The following DESI2 variants were observed in gnomAD, a reference collection of about 807,000 sequenced individuals.
DESI2 encodes desumoylating isopeptidase 2.
A neutral mutation model predicts 24.1 loss-of-function variants in DESI2; 10 were observed. The ratio of observed to expected loss-of-function variants is 0.41; its 90% confidence interval spans 0.26 to 0.70. The LOEUF is 0.70. DESI2 is among the 30% of genes least tolerant of loss of function. The probability of loss-of-function intolerance (pLI) is 0.29; values close to 1 mark genes in which losing one functional copy is unlikely to be tolerated. For missense variants in DESI2, 122 were observed against 234.9 expected (o/e 0.52, Z 3.14); for synonymous variants, 71 against 87.7 (o/e 0.81, Z 1.06).
At chr1:244,653,819 T>TC (rs1675550193) in intron 1 of DESI2, 1 of 405,002 alleles carries the variant, frequency 2.5e-6, no homozygotes, top group Non-Finnish European at 5.0e-6. Context: ...CCCAAGCCCC[T>TC]CTAAGTCCAG....
At chr1:244,699,145 A>G (rs1226835160) in intron 4 of DESI2, among the ~76,000 whole-genome samples, 2 of 152,210 alleles carry the variant, frequency 1.3e-5, no homozygotes, top group Admixed American at 6.5e-5. Flanking sequence ...CAGAAATGGA[A>G]TGATGCTATA....
At chr1:244,657,700 C>T (rs1169258363) in intron 1 of DESI2, among the ~76,000 whole-genome samples, 2 of 152,360 alleles carry the variant, frequency 1.3e-5, no homozygotes, top group Non-Finnish European at 2.9e-5. Flanking sequence ...CCATCCTCAG[C>T]ACGTTGGCTG....
At chr1:244,679,049 T>G (rs1466916854) in intron 1 of DESI2, among the ~76,000 whole-genome samples, 1 of 151,968 alleles carries the variant, frequency 6.6e-6, no homozygotes, top group African/African-American at 2.4e-5. Flanking sequence ...CTTTTTTTCT[T>G]TTTTTTTGAG....
rs1165617579 is a variant in DESI2 at position 244,689,651 on chromosome 1, A to G, written c.209+309A>G. On this transcript the variant is annotated intron_variant, in intron 3 of 4. Coordinates refer to ENST00000302550, the MANE Select transcript of DESI2 (RefSeq NM_016076.5). This position sits in a 1 kb window ranked among gnomAD's most constrained non-coding sequence, Gnocchi z 4.0. ...CAGGCTCCCAAGTAGCTGGGATTAC[A>G]GGCGTGCACCACGACGTCCGGCTAA... Among the ~76,000 whole-genome samples, 1 of 152,142 alleles carries G rather than the reference A, an allele frequency of 6.6e-6. No homozygotes were observed. The highest frequency in any genetic ancestry group is 1.5e-5 in the Non-Finnish European group (1 of 68,034).
chr1:244,704,785 A>C (rs902777895), intron 4 of DESI2, among the ~76,000 whole-genome samples: 1 of 152,068 alleles, frequency 6.6e-6, no homozygotes, highest in Non-Finnish European at 1.5e-5. Flanking sequence ...CAGCCTCCCG[A>C]GTATCTGGGA....
chr1:244,701,276 A>G (rs1049970779), intron 4 of DESI2, among the ~76,000 whole-genome samples: 2 of 129,750 alleles, frequency 1.5e-5, no homozygotes, highest in Admixed American at 1.0e-4. Flanking sequence ...TGACTCGTGG[A>G]TCATCTCAAC....
intron 3 of DESI2, 76 bp from the exon 4 acceptor site, chr1:244,691,803 A>G (rs1677038949): frequency 8.5e-7 from 1 of 1,177,660 alleles, no homozygotes; most frequent in South Asian, 1.8e-5. Flanking sequence ...CAAGTATTTA[A>G]ACATGCTTTT....
At chr1:244,680,762 A>G (rs546728149) in intron 1 of DESI2, among the ~76,000 whole-genome samples, 57 of 152,252 alleles carry the variant, frequency 3.7e-4, no homozygotes, top group Admixed American at 1.3e-3. Context: ...GCAGGGGAGA[A>G]GGAGGTGATA....
intron 4 of DESI2, among the ~76,000 whole-genome samples, chr1:244,703,879 C>T (rs571402673): frequency 3.3e-5 from 5 of 152,092 alleles, no homozygotes; most frequent in South Asian, 2.1e-4. Context: ...AGGATGGTCT[C>T]GATCTCCTGA....
intron 1 of DESI2, among the ~76,000 whole-genome samples, chr1:244,664,378 A>G (rs753360230): frequency 6.6e-6 from 1 of 152,216 alleles, no homozygotes; most frequent in African/African-American, 2.4e-5. Context: ...GAGAAAATCA[A>G]ACCTACAGGG....
intron 4 of DESI2, 136 bp downstream of exon 4, chr1:244,692,156 A>AT: frequency 2.6e-6 from 2 of 764,376 alleles, no homozygotes; most frequent in Non-Finnish European, 4.1e-6. Flanking sequence ...ATTGTATTTC[A>AT]ATCTTGTATG....
At chr1:244,669,805 C>T (rs898464697) in intron 1 of DESI2, among the ~76,000 whole-genome samples, 1 of 152,160 alleles carries the variant, frequency 6.6e-6, no homozygotes, top group Non-Finnish European at 1.5e-5. Flanking sequence ...TGGACTTAAG[C>T]AAGTACAGGG....
chr1:244,697,748 T>C (rs1677277132), intron 4 of DESI2, among the ~76,000 whole-genome samples: 1 of 152,182 alleles, frequency 6.6e-6, no homozygotes, highest in African/African-American at 2.4e-5. Context: ...CCTTCAGTTT[T>C]TGTTCTCTCC....
chr1:244,695,107 C>T (rs1028565882), intron 4 of DESI2, among the ~76,000 whole-genome samples: 31 of 152,302 alleles, frequency 2.0e-4, no homozygotes, highest in African/African-American at 6.0e-4. Flanking sequence ...TTGGCCCCAC[C>T]GGCAGGCCAG....
At chr1:244,694,754 TA>T in intron 4 of DESI2, 1 of 604,908 alleles carries the variant, frequency 1.7e-6, no homozygotes, top group South Asian at 1.9e-5. Flanking sequence ...AGAGATTCAT[TA>T]AGTTTTATTA....
At position 244,691,937 on chromosome 1, in the gene DESI2, G is replaced by A. The variant is rs1465138281; in HGVS notation, c.268G>A (p.Glu90Lys). 1 of 1,602,896 alleles carries A rather than the reference G, an allele frequency of 6.2e-7. No individual in the cohort carries two copies. The highest frequency in any genetic ancestry group is 8.5e-7 in the Non-Finnish European group (1 of 1,177,552). The change falls in exon 4 of 5, where the codon GAA becomes AAA. Residue 90 changes from glutamate (E) to lysine (K), a missense_variant. Glu to Lys is a moderately conservative substitution (Grantham distance 56). Coordinates refer to ENST00000302550, the MANE Select transcript of DESI2 (RefSeq NM_016076.5). ...FLEDDIEKIV[E>K]ELGKEYKGNA... Reference sequence around the variant, plus strand: ...AGAAGATGATATAGAAAAAATTGTAGAAGAACTGGGAAAAGAATACAAAGG... The same window carrying A: ...AGAAGATGATATAGAAAAAATTGTAAAAGAACTGGGAAAAGAATACAAAGG...
chr1:244,682,854 CAAA>C (rs3059851), intron 1 of DESI2, among the ~76,000 whole-genome samples: 47,556 of 123,268 alleles, frequency 0.39, 7,849 homozygotes, highest in African/African-American at 0.49. Context: ...AGTGTGTTGT[CAAA>C]AAAAAAAAAA....
intron 4 of DESI2, 47 bp downstream of exon 4, chr1:244,692,067 T>TC: frequency 6.7e-7 from 1 of 1,493,538 alleles, no homozygotes; most frequent in African/African-American, 1.4e-5. Flanking sequence ...ATATTTGCTA[T>TC]CCCACTATAC....
At chr1:244,675,028 G>C (rs760210715) in intron 1 of DESI2, among the ~76,000 whole-genome samples, 1 of 152,130 alleles carries the variant, frequency 6.6e-6, no homozygotes, top group Non-Finnish European at 1.5e-5. Flanking sequence ...GTTATTATCT[G>C]TCTTTTTGAT....
Sources: allele counts gnomAD v4.1 joint callset (sites outside exome capture counted in the v4.1 genomes callset), GRCh38; gene constraint gnomAD v4.1.1; non-coding constraint Gnocchi (gnomAD v3.1); transcripts MANE v1.5; gene names NCBI Gene and HGNC (gene_info 2026-07-23, HGNC 2026-07-21).